The following SCMH1 variants were observed in gnomAD, a reference collection of about 807,000 sequenced individuals.
The protein encoded by SCMH1 is Scm polycomb group protein homolog 1.
Under a neutral mutation model 70.8 loss-of-function variants are expected in SCMH1, and 37 were observed. That is an observed-to-expected ratio of 0.52 (90% CI 0.40 to 0.69). The LOEUF (loss-of-function observed/expected upper bound fraction) is 0.69. Ranked by LOEUF, SCMH1 falls within the 30% of genes least tolerant of loss-of-function variation. SCMH1 has a pLI of 0.00. For synonymous variants in SCMH1, 292 were observed against 307.4 expected (o/e 0.95, Z 0.52); for missense variants, 607 against 827.3 (o/e 0.73, Z 3.27).
intron 8 of SCMH1, among the ~76,000 whole-genome samples, chr1:41,096,541 T>C (rs1665123629): frequency 6.6e-6 from 1 of 152,234 alleles, no homozygotes; most frequent in African/African-American, 2.4e-5. Context: ...CTCATCTGAC[T>C]GTAGTGAACT....
intron 2 of SCMH1, among the ~76,000 whole-genome samples, chr1:41,166,623 T>C (rs1646425619): frequency 6.6e-6 from 1 of 151,372 alleles, no homozygotes; most frequent in South Asian, 2.1e-4. Context: ...AATGGGATTG[T>C]TTTCTTAATT....
Position 41,087,298 on chromosome 1 carries a change from C to T in SCMH1, c.746-11847G>A, listed in dbSNP as rs376146448. On this transcript the variant is annotated intron_variant, in intron 8 of 14. Coordinates refer to ENST00000337495, the Ensembl canonical transcript of SCMH1. ...TACTAGAGGAAAATATAGGTGAATT[C>T]CTATAATGAAAGGTTAATAAATTTA... 1.4e-4 allele frequency among the ~76,000 whole-genome samples: 22 copies of T among 151,844 alleles called. No homozygotes were observed. In the East Asian group the frequency reaches 3.7e-3, roughly 25 times the overall value.
At position 41,046,389 on chromosome 1, in the gene SCMH1, C is replaced by A; in HGVS notation, c.1498+18G>T. On this transcript the variant is annotated intron_variant, in intron 12 of 14. Transcript: ENST00000337495. ...CCCTGTCCCCCACTCTCAGCCCAGG[C>A]CCCATCCCAGCTCCTACCTGGTAGG... 1 of 1,611,038 alleles carries A rather than the reference C, an allele frequency of 6.2e-7. No homozygotes were observed. Among genetic ancestry groups the A allele is most frequent in the Non-Finnish European group, 8.5e-7 (1 of 1,177,782 alleles).
intron 2 of SCMH1, among the ~76,000 whole-genome samples, chr1:41,178,211 A>C (rs371366564): frequency 2.6e-5 from 4 of 152,176 alleles, no homozygotes; most frequent in African/African-American, 7.2e-5. Flanking sequence ...CACCACCAGG[A>C]CTGCCCTAAA....
chr1:41,196,573 G>T (rs565264514), intron 1 of SCMH1, among the ~76,000 whole-genome samples: 44 of 152,272 alleles, frequency 2.9e-4, no homozygotes, highest in African/African-American at 1.0e-3. Context: ...CTAAATAAAT[G>T]TAAGAGCTAA....
intron 1 of SCMH1, among the ~76,000 whole-genome samples, chr1:41,197,568 C>A (rs553692636): frequency 6.6e-6 from 1 of 151,940 alleles, no homozygotes; most frequent in African/African-American, 2.4e-5. Context: ...TTAATGCGTA[C>A]AGAATTTCTA....
chr1:41,133,214 G>A lies in SCMH1; in HGVS notation c.412+9664C>T, dbSNP rs183155483. Among the ~76,000 whole-genome samples, 483 of 152,030 alleles carry A rather than the reference G, an allele frequency of 3.2e-3. 2 individuals are homozygous for A. Among genetic ancestry groups the A allele is most frequent in the Middle Eastern group, 6.8e-3 (2 of 294 alleles). On this transcript the variant is annotated intron_variant, in intron 6 of 14. Transcript: ENST00000337495. ...CCATTTGTTTGTGTCCTTTTATTTC[G>A]TTGAGCAGTGGTTTGTAGTTCTCCT...
chr1:41,119,898 C>A (rs1457758158), intron 6 of SCMH1, among the ~76,000 whole-genome samples: 2 of 152,170 alleles, frequency 1.3e-5, no homozygotes, highest in East Asian at 3.8e-4. Flanking sequence ...TTAACTGCTA[C>A]TCTTCTTTTG....
chr1:41,229,340 C>A (rs1357983512), intron 1 of SCMH1, among the ~76,000 whole-genome samples: 1 of 152,172 alleles, frequency 6.6e-6, no homozygotes, highest in Non-Finnish European at 1.5e-5. Flanking sequence ...GGAACCAACC[C>A]AAATGTCCAT....
chr1:41,089,759 TG>T (rs1466635428), intron 8 of SCMH1, among the ~76,000 whole-genome samples: 3 of 146,530 alleles, frequency 2.0e-5, no homozygotes, highest in Non-Finnish European at 4.5e-5. Context: ...CACTCTCCCT[TG>T]ATTATTCCAC....
At chr1:41,227,908 G>T (rs1660576899) in intron 1 of SCMH1, among the ~76,000 whole-genome samples, 1 of 152,148 alleles carries the variant, frequency 6.6e-6, no homozygotes, top group Admixed American at 6.5e-5. Flanking sequence ...AACCCTGGAG[G>T]TGGAGGTTGC....
chr1:41,236,512 C>G (rs1662408924), intron 1 of SCMH1, among the ~76,000 whole-genome samples: 1 of 152,040 alleles, frequency 6.6e-6, no homozygotes, highest in South Asian at 2.1e-4. Context: ...GAAGCCAGGT[C>G]AAAATAAGAA....
rs1251224845 is a variant in SCMH1 at position 41,116,902 on chromosome 1, A to C, written c.501+20T>G. 5 of 1,584,758 alleles carry C rather than the reference A, an allele frequency of 3.2e-6. No homozygotes were observed. The East Asian group carries it at 1.1e-4, about 36-fold the overall frequency. On this transcript the variant is annotated intron_variant, in intron 7 of 14. Transcript: ENST00000337495. ...GACCTTAAGCAGCCTGGAGCTGGTG[A>C]TATCTGAGGGATAGCCTACCTTGTG...
chr1:41,138,224 G>T (rs1340723953), intron 6 of SCMH1, among the ~76,000 whole-genome samples: 5 of 152,016 alleles, frequency 3.3e-5, no homozygotes, highest in Non-Finnish European at 5.9e-5. Context: ...AAGTTTAGAA[G>T]AAATTTTCTT....
intron 1 of SCMH1, among the ~76,000 whole-genome samples, chr1:41,227,251 T>G (rs1660448856): frequency 6.6e-6 from 1 of 152,234 alleles, no homozygotes; most frequent in Middle Eastern, 3.2e-3. Context: ...TTCCTGTCTC[T>G]GAGACTTAGC....
chr1:41,193,367 A>G (rs1312718652), intron 1 of SCMH1, among the ~76,000 whole-genome samples: 2 of 152,212 alleles, frequency 1.3e-5, no homozygotes, highest in African/African-American at 2.4e-5. Flanking sequence ...AAAGACAAAT[A>G]AGTGTAAGTC....
chr1:41,218,729 T>C (rs556270447), intron 1 of SCMH1, among the ~76,000 whole-genome samples: 1 of 152,356 alleles, frequency 6.6e-6, no homozygotes, highest in East Asian at 1.9e-4. Flanking sequence ...TGCTTTACAC[T>C]GGTGACCACA....
At chr1:41,238,890 G>A (rs188481671) in intron 1 of SCMH1, among the ~76,000 whole-genome samples, 3 of 151,940 alleles carry the variant, frequency 2.0e-5, no homozygotes, top group Admixed American at 6.5e-5. Context: ...ACTCATCATC[G>A]TTTCCTGTCT....
At chr1:41,028,605 G>T in exon 14 of SCMH1, 1 of 1,614,168 alleles carries the variant, frequency 6.2e-7, no homozygotes, top group Non-Finnish European at 8.5e-7. Flanking sequence ...ACAGGTCAGC[G>T]TGGGGTCCAA....
Sources: gnomAD v4.1 joint callset for allele counts (sites outside exome capture counted in the v4.1 genomes callset) on GRCh38, gnomAD v4.1.1 for gene constraint, MANE v1.5 for transcripts, NCBI Gene and HGNC (gene_info 2026-07-23, HGNC 2026-07-21) for gene names.